FLOT1: variants seen among roughly 807,000 people sequenced by gnomAD.
FLOT1 encodes flotillin 1, also known as flotillin-1.
FLOT1 carries 40 observed loss-of-function variants against 58.4 expected under a neutral mutation model. The observed-to-expected ratio is 0.69, with a 90% confidence interval of 0.53 to 0.89. The LOEUF (loss-of-function observed/expected upper bound fraction) is 0.89. FLOT1 is among the 40% of genes least tolerant of loss of function. The pLI, the probability that FLOT1 is intolerant of heterozygous loss-of-function variation, is 0.00. For missense variants in FLOT1, 423 were observed against 540.8 expected (o/e 0.78, Z 2.16); for synonymous variants, 178 against 204.2 (o/e 0.87, Z 1.09).
At position 30,741,450 on chromosome 6, in the gene FLOT1, G is replaced by C; in HGVS notation, c.211-117C>G. ...GCTTCTTCCATTTCAGGGAAAGAAA[G>C]GAGGAGGAGGCAAGTGCCTTGGGGT... On this transcript the variant is annotated intron_variant, in intron 4 of 12. Transcript: ENST00000376389. The surrounding 1 kb of genome is among the most constrained non-coding windows in gnomAD (Gnocchi z 5.9). 7.0e-7 allele frequency: 1 copy of C among 1,426,292 alleles called. No individual in the cohort carries two copies. Among genetic ancestry groups the C allele is most frequent in the Non-Finnish European group, 9.7e-7 (1 of 1,026,090 alleles). 88.4% of individuals were successfully genotyped at this position (1,426,292 alleles called of 1,614,324 possible).
chr6:30,734,309 C>CTTTT (rs568968027), intron 8 of FLOT1, among the ~76,000 whole-genome samples: 1 of 135,844 alleles, frequency 7.4e-6, no homozygotes, highest in Non-Finnish European at 1.6e-5. Context: ...ATGTGCTTGA[C>CTTTT]TTTTTTTTTT....
At position 30,737,258 on chromosome 6, in the gene FLOT1, A is replaced by G. The variant is rs1449288723; in HGVS notation, c.723+2900T>C. ...CGTCCGTCCGTCCGTCCATCCGTCC[A>G]TCCATCCATCCATATATCTATCTTA... On this transcript the variant is annotated intron_variant, in intron 8 of 12. Transcript: ENST00000376389. The surrounding 1 kb of genome is among the most constrained non-coding windows in gnomAD (Gnocchi z 4.4). Among the ~76,000 whole-genome samples the G allele has an allele frequency of 1.3e-5, 2 of 151,182 alleles. No individual in the cohort carries two copies. Among genetic ancestry groups the G allele is most frequent in the South Asian group, 2.1e-4 (1 of 4,766 alleles).
At position 30,741,222 on chromosome 6, in the gene FLOT1, G is replaced by A; in HGVS notation, c.322C>T (p.Gln108Ter). ...HIALETLEGH[Q>*]RAIMAHMTVE... ...GTCATGTGGGCCATGATGGCCCTCT[G>A]GTGGCCCTCTAACGTCTCCAGGGCA... Residue 108 changes from glutamine to a stop codon, truncating the protein, a stop_gained, in exon 5 of 13, where the codon CAG becomes TAG. Coordinates refer to ENST00000376389, the MANE Select transcript of FLOT1 (RefSeq NM_005803.4). LOFTEE classifies it high-confidence loss of function. This position sits in a 1 kb window ranked among gnomAD's most constrained non-coding sequence, Gnocchi z 5.9. 1 of 1,613,024 alleles carries A rather than the reference G, an allele frequency of 6.2e-7. No individual in the cohort carries two copies. The highest frequency in any genetic ancestry group is 8.5e-7 in the Non-Finnish European group (1 of 1,180,010).
At chr6:30,736,045 A>C (rs1777539637) in intron 8 of FLOT1, among the ~76,000 whole-genome samples, 1 of 151,742 alleles carries the variant, frequency 6.6e-6, no homozygotes, top group African/African-American at 2.4e-5. Flanking sequence ...TGAGCCCAGG[A>C]GTTTGAGACC....
At position 30,742,110 on chromosome 6, in the gene FLOT1, T is replaced by C. The variant is rs1450859557; in HGVS notation, c.43+37A>G. The C allele has an allele frequency of 6.2e-7, 1 of 1,606,642 alleles. No individual in the cohort carries two copies. The highest frequency in any genetic ancestry group is 2.2e-5 in the East Asian group (1 of 44,848). On this transcript the variant is annotated intron_variant, in intron 2 of 12. Transcript: ENST00000376389. The surrounding 1 kb of genome is among the most constrained non-coding windows in gnomAD (Gnocchi z 5.2). ...GCAGAGGCCAGACTCACAGGGGTTC[T>C]GGGGTCACTGGCTGGGAAGGGAACA...
Position 30,741,349 on chromosome 6 carries a change from G to A in FLOT1, c.211-16C>T. 6.2e-7 allele frequency: 1 copy of A among 1,613,056 alleles called. No homozygotes were observed. The highest frequency in any genetic ancestry group is 8.5e-7 in the Non-Finnish European group (1 of 1,180,014). On this transcript the variant is annotated splice_polypyrimidine_tract_variant and intron_variant, in intron 4 of 12. Coordinates refer to ENST00000376389, the MANE Select transcript of FLOT1 (RefSeq NM_005803.4). This position sits in a 1 kb window ranked among gnomAD's most constrained non-coding sequence, Gnocchi z 5.9. ...GGATTTTTACCTGTAGCCAGAGTAG[G>A]GGTAGGAAAGGTGTGGTGGGGGTCT...
At position 30,741,190 on chromosome 6, in the gene FLOT1, C is replaced by A. The variant is rs2127782145; in HGVS notation, c.354G>T (p.Glu118Asp). The A allele has an allele frequency of 6.2e-7, 1 of 1,612,974 alleles. No homozygotes were observed. The highest frequency in any genetic ancestry group is 8.5e-7 in the Non-Finnish European group (1 of 1,180,020). ...QRAIMAHMTV[E>D]EIYKDRQKFS... is the part of the protein sequence containing the mutation. ...GATGGTTCCCTGCCCCTAGGCCAAC[C>A]TCCACAGTCATGTGGGCCATGATGG... Residue 118 changes from glutamate to aspartate, a missense_variant and splice_region_variant, in exon 5 of 13, where the codon GAG becomes GAT. This residue lies in a region of FLOT1 where 137 missense variants were observed against 194.6 expected (regional missense o/e 0.70). Coordinates refer to ENST00000376389, the MANE Select transcript of FLOT1 (RefSeq NM_005803.4). The surrounding 1 kb of genome is among the most constrained non-coding windows in gnomAD (Gnocchi z 5.9).
Position 30,727,957 on chromosome 6 carries a change from C to A in FLOT1, c.*159G>T. 1.4e-6 allele frequency: 1 copy of A among 724,730 alleles called. No individual in the cohort carries two copies. The highest frequency in any genetic ancestry group is 2.5e-6 in the Non-Finnish European group (1 of 404,912). 44.9% of individuals were successfully genotyped at this position (724,730 alleles called of 1,614,324 possible). A position where few individuals can be genotyped will look rare whatever the true frequency, so the allele number is the denominator to read the frequency against. On this transcript the variant is annotated 3_prime_UTR_variant, in exon 13 of 13. Transcript: ENST00000376389. ...GTGTGAGGTTGGCAAGGGGAGCAAC[C>A]CCCTTCAAGACAAGGCACAAACTAT...
At chr6:30,739,648 A>G (rs934787132) in intron 8 of FLOT1, among the ~76,000 whole-genome samples, 19 of 151,128 alleles carry the variant, frequency 1.3e-4, no homozygotes, top group Middle Eastern at 3.6e-3. Flanking sequence ...GATTACAGGC[A>G]TGAGCCACCG....
Position 30,741,945 on chromosome 6 carries a change from C to G in FLOT1, c.44-78G>C. 7.4e-7 allele frequency: 1 copy of G among 1,351,722 alleles called. No homozygotes were observed. Among genetic ancestry groups the G allele is most frequent in the East Asian group, 2.3e-5 (1 of 43,536 alleles). The allele number at this position is 1,351,722 out of a possible 1,614,324, so 83.7% of individuals were successfully genotyped here. A position where few individuals can be genotyped will look rare whatever the true frequency, so the allele number is the denominator to read the frequency against. On this transcript the variant is annotated intron_variant, in intron 2 of 12. Transcript: ENST00000376389. This position sits in a 1 kb window ranked among gnomAD's most constrained non-coding sequence, Gnocchi z 5.9. ...TGAGGAACTGGCGGGGGTGAGGGGA[C>G]AGCAACCCACAGGAGAGAATCTGGG...
At position 30,741,244 on chromosome 6, in the gene FLOT1, G is replaced by C. The variant is rs200920246; in HGVS notation, c.300C>G (p.Ala100=). 91 of 1,612,970 alleles carry C rather than the reference G, an allele frequency of 5.6e-5. No individual in the cohort carries two copies. The highest frequency in any genetic ancestry group is 3.3e-4 in the Middle Eastern group (2 of 6,082). ...GKTEAEIAHI[A]LETLEGHQRA... is the part of the protein sequence containing the mutation. ...TCTGGTGGCCCTCTAACGTCTCCAG[G>C]GCAATGTGGGCAATCTCAGCCTCCG... Residue 100 remains alanine, a synonymous_variant, in exon 5 of 13, where the codon GCC becomes GCG. Transcript: ENST00000376389. This position sits in a 1 kb window ranked among gnomAD's most constrained non-coding sequence, Gnocchi z 5.9.
intron 11 of FLOT1, 105 bp downstream of exon 11, chr6:30,730,323 T>C: frequency 6.7e-7 from 1 of 1,491,388 alleles, no homozygotes; most frequent in Non-Finnish European, 9.1e-7. Flanking sequence ...CCACCCCTAA[T>C]TTAGAGTCCC....
chr6:30,741,575 G>A lies in FLOT1; in HGVS notation c.210+39C>T. The A allele has an allele frequency of 6.8e-7, 1 of 1,467,166 alleles. No homozygotes were observed. 90.9% of individuals were successfully genotyped at this position (1,467,166 alleles called of 1,614,324 possible). On this transcript the variant is annotated intron_variant, in intron 4 of 12. Transcript: ENST00000376389. The surrounding 1 kb of genome is among the most constrained non-coding windows in gnomAD (Gnocchi z 5.9). The stretch of plus-strand genomic sequence containing the variant: ...TTAATGTCTGGGAGAGAGGGTGATG[G>A]GGAAGTGGACTGTGGGGAAAAGGCT...
rs1047604244 is a variant in FLOT1 at position 30,740,405 on chromosome 6, T to C, written c.570+91A>G. 8 of 1,589,476 alleles carry C rather than the reference T, an allele frequency of 5.0e-6. No individual in the cohort carries two copies. The African/African-American group carries it at 1.1e-4, about 21-fold the overall frequency. The stretch of plus-strand genomic sequence containing the variant: ...CCACCAAGGTTCTCTTTCTGCCTCA[T>C]GTATTTTCCCTGCTCACCCAGCACC... On this transcript the variant is annotated intron_variant, in intron 7 of 12. Transcript: ENST00000376389.
chr6:30,727,989 A>C lies in FLOT1; in HGVS notation c.*127T>G. 2.3e-6 allele frequency: 2 copies of C among 882,540 alleles called. No individual in the cohort carries two copies. The highest frequency in any genetic ancestry group is 3.8e-6 in the Non-Finnish European group (2 of 525,188). The allele number at this position is 882,540 out of a possible 1,614,324, so 54.7% of individuals were successfully genotyped here. On this transcript the variant is annotated 3_prime_UTR_variant, in exon 13 of 13. Transcript: ENST00000376389. ...AAGACAAGGCACAAACTATTTGGCA[A>C]GGAGAGATGAGGGGTGGGACCTCAC...
rs1777945933 is a variant in FLOT1 at position 30,741,102 on chromosome 6, G to T, written c.354+88C>A. ...CTGCCCGGCCGGGATGTATGCTCTT[G>T]GATCCACTGTCTCTCACAGACTAGT... On this transcript the variant is annotated intron_variant, in intron 5 of 12. Transcript: ENST00000376389. The surrounding 1 kb of genome is among the most constrained non-coding windows in gnomAD (Gnocchi z 5.9). 1.5e-5 allele frequency: 23 copies of T among 1,489,746 alleles called. No homozygotes were observed. The highest frequency in any genetic ancestry group is 2.1e-5 in the Non-Finnish European group (23 of 1,081,804). 92.3% of individuals were successfully genotyped at this position (1,489,746 alleles called of 1,614,324 possible).
rs1777974214 is a variant in FLOT1, at chr6:30,741,477, C to T, written c.210+137G>A. 9 of 1,301,922 alleles carry T rather than the reference C, an allele frequency of 6.9e-6. No homozygotes were observed. The South Asian group carries it at 1.0e-4, about 15-fold the overall frequency. 80.6% of individuals were successfully genotyped at this position (1,301,922 alleles called of 1,614,324 possible). A position where few individuals can be genotyped will look rare whatever the true frequency, so the allele number is the denominator to read the frequency against. On this transcript the variant is annotated intron_variant, in intron 4 of 12. Coordinates refer to ENST00000376389, the MANE Select transcript of FLOT1 (RefSeq NM_005803.4). This position sits in a 1 kb window ranked among gnomAD's most constrained non-coding sequence, Gnocchi z 5.9. Reference sequence around the variant, plus strand: ...AGGAGGAGGCAAGTGCCTTGGGGTGCCTGGAAAAGATGAGACTAGCAGAGG... The same window carrying T: ...AGGAGGAGGCAAGTGCCTTGGGGTGTCTGGAAAAGATGAGACTAGCAGAGG...
Position 30,742,424 on chromosome 6 carries a change from G to C in FLOT1, c.-15+103C>G. On this transcript the variant is annotated intron_variant, in intron 1 of 12. Coordinates refer to ENST00000376389, the MANE Select transcript of FLOT1 (RefSeq NM_005803.4). This position sits in a 1 kb window ranked among gnomAD's most constrained non-coding sequence, Gnocchi z 5.2. Reference sequence around the variant, plus strand: ...GTATGGTCCCTCCCTTCCCCTCGCCGCTCCCTTTGATAAAGGTCCCCCGCG... The same window carrying C: ...GTATGGTCCCTCCCTTCCCCTCGCCCCTCCCTTTGATAAAGGTCCCCCGCG... 2 of 586,632 alleles carry C rather than the reference G, an allele frequency of 3.4e-6. No individual in the cohort carries two copies. Among genetic ancestry groups the C allele is most frequent in the Non-Finnish European group, 3.1e-6 (1 of 327,318 alleles). 36.3% of individuals were successfully genotyped at this position (586,632 alleles called of 1,614,324 possible). A position where few individuals can be genotyped will look rare whatever the true frequency, so the allele number is the denominator to read the frequency against.
Position 30,742,141 on chromosome 6 carries a change from A to T in FLOT1, c.43+6T>A. 6.2e-7 allele frequency: 1 copy of T among 1,612,646 alleles called. No individual in the cohort carries two copies. Among genetic ancestry groups the T allele is most frequent in the South Asian group, 1.1e-5 (1 of 91,082 alleles). On this transcript the variant is annotated splice_donor_region_variant and intron_variant, in intron 2 of 12. Coordinates refer to ENST00000376389, the MANE Select transcript of FLOT1 (RefSeq NM_005803.4). The surrounding 1 kb of genome is among the most constrained non-coding windows in gnomAD (Gnocchi z 5.2). ...CACTGGCTGGGAAGGGAACAACAGT[A>T]CTTACCGGAGACCACCATGGCCTCA...
Sources: allele counts gnomAD v4.1 joint callset (sites outside exome capture counted in the v4.1 genomes callset), GRCh38; gene constraint gnomAD v4.1.1; regional missense constraint gnomAD v4.1.1; non-coding constraint Gnocchi (gnomAD v3.1); transcripts MANE v1.5; gene names NCBI Gene and HGNC (gene_info 2026-07-23, HGNC 2026-07-21).